IL12RB1: variants seen among roughly 807,000 people sequenced by gnomAD.
The protein encoded by IL12RB1 is interleukin-12 receptor subunit beta-1.
A neutral mutation model predicts 94.4 loss-of-function variants in IL12RB1; 64 were observed. The observed-to-expected ratio is 0.68, with a 90% CI of 0.55 to 0.83. The LOEUF (loss-of-function observed/expected upper bound fraction) is 0.83. Among genes scored for constraint, IL12RB1 ranks in the 40% least tolerant of loss-of-function variants. The probability of loss-of-function intolerance (pLI) is 0.00; values close to 1 mark genes in which losing one functional copy is unlikely to be tolerated. For synonymous variants in IL12RB1, 362 were observed against 355.5 expected, an observed-to-expected ratio of 1.02 and a Z score of -0.21; for missense variants, 814 against 855.6, an observed-to-expected ratio of 0.95 and a Z score of 0.61.
At chr19:18,062,995 C>T (rs1304413755) in intron 13 of IL12RB1, among the ~76,000 whole-genome samples, 2 of 109,260 alleles carry the variant, frequency 1.8e-5, no homozygotes, top group Non-Finnish European at 4.1e-5. Flanking sequence ...CTGTGTTGTT[C>T]TCTTCCTCCT....
chr19:18,078,810 C>A (rs150462538), intron 4 of IL12RB1, among the ~76,000 whole-genome samples: 1 of 152,014 alleles, frequency 6.6e-6, no homozygotes, highest in Non-Finnish European at 1.5e-5. Context: ...GTGGTCATAC[C>A]CGGCCTGATT....
At chr19:18,065,882 A>G (rs1047202606) in intron 12 of IL12RB1, among the ~76,000 whole-genome samples, 1 of 151,360 alleles carries the variant, frequency 6.6e-6, no homozygotes, top group Non-Finnish European at 1.5e-5. Context: ...TCTACAAAAA[A>G]TAAAATATTA....
chr19:18,076,833 T>C (rs1380401057), intron 5 of IL12RB1, among the ~76,000 whole-genome samples: 2 of 152,098 alleles, frequency 1.3e-5, no homozygotes, highest in Non-Finnish European at 2.9e-5. Context: ...TAACTAAATT[T>C]TAAAAATTAA....
intron 14 of IL12RB1, among the ~76,000 whole-genome samples, chr19:18,061,798 G>A (rs2034149624): frequency 6.6e-6 from 1 of 150,942 alleles, no homozygotes; most frequent in Non-Finnish European, 1.5e-5. Flanking sequence ...GGGAGGGGGA[G>A]GTTGCAATAA....
At chr19:18,090,328 G>A (rs1263253809), upstream of IL12RB1, among the ~76,000 whole-genome samples, 2 of 152,166 alleles carry the variant, frequency 1.3e-5, no homozygotes, top group Admixed American at 6.6e-5. Context: ...CTGGGCCACA[G>A]AGCAAGACCC....
chr19:18,088,031 A>T (rs1599584022), upstream of IL12RB1, among the ~76,000 whole-genome samples: 1 of 151,964 alleles, frequency 6.6e-6, no homozygotes, highest in East Asian at 1.9e-4. Context: ...AGGTGGGAGG[A>T]TCACTTGACC....
chr19:18,075,933 AC>A, intron 6 of IL12RB1, 65 bp from the exon 7 acceptor site: 1 of 1,527,810 alleles, frequency 6.5e-7, no homozygotes, highest in Non-Finnish European at 9.1e-7. Context: ...CAGTCACTTA[AC>A]CATCATGTGC....
chr19:18,089,788 G>A (rs2384853), upstream of IL12RB1, among the ~76,000 whole-genome samples: 7 of 152,220 alleles, frequency 4.6e-5, no homozygotes, highest in South Asian at 2.1e-4. Context: ...TGTGCAATGC[G>A]GTTCAGCTTC....
chr19:18,096,386 A>G (rs2036931450), intron 1 of IL12RB1, among the ~76,000 whole-genome samples: 1 of 137,168 alleles, frequency 7.3e-6, no homozygotes. Flanking sequence ...CTTAGGGCAA[A>G]AAGGCAATCA....
chr19:18,086,835 A>G lies in IL12RB1; in HGVS notation c.-12T>C. The G allele has an allele frequency of 6.2e-7, 1 of 1,607,390 alleles. No individual in the cohort carries two copies. The highest frequency in any genetic ancestry group is 8.5e-7 in the Non-Finnish European group (1 of 1,177,168). On this transcript the variant is annotated 5_prime_UTR_variant, in exon 1 of 17. Coordinates refer to ENST00000593993, the MANE Select transcript of IL12RB1 (RefSeq NM_005535.3). ...ACCAGCGGCTCCATCGGATCCACGT[A>G]GAGCCCCACAGCCCCAGGGGAGCCT...
chr19:18,062,311 A>AGC, intron 13 of IL12RB1, 34 bp from the exon 14 acceptor site: 2 of 1,292,602 alleles, frequency 1.5e-6, no homozygotes, highest in Non-Finnish European at 2.2e-6. Context: ...GCAGAGGGCT[A>AGC]CCTCCTGCCT....
At chr19:18,063,512 C>A (rs75242136) in intron 13 of IL12RB1, among the ~76,000 whole-genome samples, 5 of 152,302 alleles carry the variant, frequency 3.3e-5, no homozygotes, top group Admixed American at 3.3e-4. Flanking sequence ...ACCCCAACCC[C>A]GCAGTGTCAG....
rs951301825 is a variant in IL12RB1 at position 18,080,723 on chromosome 19, A to G, written c.409+109T>C. Reference sequence around the variant, plus strand: ...GACACTACGTGAAGTGACAATGGCTAGTAGTATCAAGTCCCTTGCCAAGGG... The same window carrying G: ...GACACTACGTGAAGTGACAATGGCTGGTAGTATCAAGTCCCTTGCCAAGGG... On this transcript the variant is annotated intron_variant, in intron 4 of 16. Coordinates refer to ENST00000593993, the MANE Select transcript of IL12RB1 (RefSeq NM_005535.3). 24 of 794,278 alleles carry G rather than the reference A, an allele frequency of 3.0e-5. No homozygotes were observed. The African/African-American group carries it at 3.5e-4, about 12-fold the overall frequency. 49.2% of individuals were successfully genotyped at this position (794,278 alleles called of 1,614,324 possible).
chr19:18,066,484 G>C, intron 12 of IL12RB1, 58 bp downstream of exon 12: 1 of 1,250,842 alleles, frequency 8.0e-7, no homozygotes, highest in Non-Finnish European at 1.2e-6. Flanking sequence ...CAGCAAGAGA[G>C]ATCACAGGCC....
chr19:18,061,861 T>TTAAAAAAGAAAA (rs2034154876), intron 14 of IL12RB1, among the ~76,000 whole-genome samples: 1 of 47,104 alleles, frequency 2.1e-5, no homozygotes, highest in African/African-American at 8.6e-5. Context: ...AGACTCCATC[T>TTAAAAAAGAAAA]CAAAAAAGAA....
At chr19:18,067,239 G>A (rs1039346606) in intron 11 of IL12RB1, among the ~76,000 whole-genome samples, 2 of 144,192 alleles carry the variant, frequency 1.4e-5, no homozygotes, top group Admixed American at 7.2e-5. Context: ...CACGAGAATC[G>A]CTTGAACCCG....
chr19:18,084,213 A>G (rs564882539), intron 1 of IL12RB1, among the ~76,000 whole-genome samples: 2 of 150,442 alleles, frequency 1.3e-5, no homozygotes, highest in South Asian at 2.1e-4. Context: ...TCATACATCC[A>G]TCCATCCACC....
intron 9 of IL12RB1, chr19:18,070,529 G>GA (rs1568496882): frequency 1.0e-6 from 1 of 985,268 alleles, no homozygotes; most frequent in Non-Finnish European, 1.2e-6. Context: ...GCGTCTTCAT[G>GA]AATGTCAGAG....
chr19:18,072,819 C>T (rs1173124715), intron 8 of IL12RB1, among the ~76,000 whole-genome samples: 3 of 151,556 alleles, frequency 2.0e-5, no homozygotes, highest in Non-Finnish European at 4.4e-5. Flanking sequence ...TGGTGGTGGG[C>T]GCCTGTAGTC....
Sources: allele counts gnomAD v4.1 joint callset (sites outside exome capture counted in the v4.1 genomes callset), GRCh38; gene constraint gnomAD v4.1.1; transcripts MANE v1.5; gene names NCBI Gene and HGNC (gene_info 2026-07-23, HGNC 2026-07-21).